The following PREP variants were observed in gnomAD, a reference collection of about 807,000 sequenced individuals.
PREP encodes prolyl endopeptidase, also known as dJ355L5.1 (prolyl endopeptidase).
In PREP, 29 loss-of-function variants were observed where a neutral mutation model predicts 87.6. The observed-to-expected ratio is 0.33, with a 90% CI of 0.25 to 0.45. The LOEUF is 0.45. Ranked by LOEUF, PREP falls within the 20% of genes least tolerant of loss-of-function variation. PREP has a pLI of 1.00. For synonymous variants in PREP, 337 were observed against 328.6 expected (o/e 1.03, Z -0.28); for missense variants, 695 against 886.5 (o/e 0.78, Z 2.74).
At chr6:105,340,232 A>G (rs1439184276) in intron 7 of PREP, among the ~76,000 whole-genome samples, 1 of 152,208 alleles carries the variant, frequency 6.6e-6, no homozygotes, top group Non-Finnish European at 1.5e-5. Context: ...AGTGGGGGCC[A>G]ATATTCAACA....
At chr6:105,355,320 A>C (rs1772068234) in intron 6 of PREP, among the ~76,000 whole-genome samples, 1 of 152,072 alleles carries the variant, frequency 6.6e-6, no homozygotes, top group African/African-American at 2.4e-5. Context: ...TTCTGACCTC[A>C]AGGTGATCCA....
chr6:105,402,194 CTTGT>C (rs1398929913), intron 1 of PREP, among the ~76,000 whole-genome samples: 2 of 152,154 alleles, frequency 1.3e-5, no homozygotes, highest in East Asian at 3.9e-4. Context: ...AACTCCTTTT[CTTGT>C]TTAAGAAAAC....
intron 10 of PREP, among the ~76,000 whole-genome samples, chr6:105,305,288 G>A (rs76627856): frequency 0.015 from 2,346 of 152,184 alleles, 58 homozygotes; most frequent in African/African-American, 0.054. Flanking sequence ...GATGTTAGTG[G>A]GGAAAAAGCA....
chr6:105,384,214 C>T (rs115768413), intron 2 of PREP, among the ~76,000 whole-genome samples: 15 of 152,256 alleles, frequency 9.9e-5, no homozygotes, highest in African/African-American at 3.6e-4. Flanking sequence ...TGCGGCTCAT[C>T]TCAGGGCTTG....
At chr6:105,349,376 A>G (rs556232029) in intron 7 of PREP, among the ~76,000 whole-genome samples, 2 of 152,322 alleles carry the variant, frequency 1.3e-5, no homozygotes, top group Admixed American at 1.3e-4. Context: ...ATTCATACAG[A>G]TCGCATTTAA....
rs757968201 is a variant in PREP at position 105,368,982 on chromosome 6, T to C, written c.638A>G (p.His213Arg). The change falls in exon 6 of 15, where the codon CAT becomes CGT. Residue 213 changes from histidine (H) to arginine (R), a missense_variant. By Grantham distance (29) the His-to-Arg change is conservative. This residue lies in a region of PREP where 517 missense variants were observed against 620.3 expected (regional missense o/e 0.83). Transcript: ENST00000652536. ...STNLHQKLYYHVLGTDQSEDI... is the reference protein window; with the variant it reads ...STNLHQKLYYRVLGTDQSEDI... ...TTCTGACTGATCGGTTCCCAAGACATGGTAGTAGAGCTTTTGGTGGAGATT... is the reference window on the plus strand; with the variant it reads ...TTCTGACTGATCGGTTCCCAAGACACGGTAGTAGAGCTTTTGGTGGAGATT... 6.2e-7 allele frequency: 1 copy of C among 1,613,956 alleles called. No homozygotes were observed. Among genetic ancestry groups the C allele is most frequent in the Non-Finnish European group, 8.5e-7 (1 of 1,179,900 alleles).
At chr6:105,340,005 A>G (rs1262417750) in intron 7 of PREP, among the ~76,000 whole-genome samples, 1 of 152,234 alleles carries the variant, frequency 6.6e-6, no homozygotes, top group Admixed American at 6.5e-5. Context: ...CAGCCTAGCA[A>G]GGCAGGCCAA....
intron 12 of PREP, among the ~76,000 whole-genome samples, chr6:105,284,882 G>A (rs1770158003): frequency 6.6e-6 from 1 of 152,356 alleles, no homozygotes; most frequent in East Asian, 1.9e-4. Flanking sequence ...TGCTTCAGGA[G>A]GCCACAGAAT....
rs112087054 is a variant in PREP, at chr6:105,373,307, C to T, written c.595+62G>A. ...CTATGTAGGGTTCAGCATCTCTTTT[C>T]AGTCACTTGAAGTCACACTTCATTT... On this transcript the variant is annotated intron_variant, in intron 5 of 14. Coordinates refer to ENST00000652536, the MANE Select transcript of PREP (RefSeq NM_002726.5). 2,372 of 1,522,968 alleles carry T rather than the reference C, an allele frequency of 1.6e-3. 33 individuals carry two copies. The African/African-American group carries it at 0.027, about 17-fold the overall frequency. 94.3% of individuals were successfully genotyped at this position (1,522,968 alleles called of 1,614,324 possible). A position where few individuals can be genotyped will look rare whatever the true frequency, so the allele number is the denominator to read the frequency against.
intron 4 of PREP, among the ~76,000 whole-genome samples, chr6:105,374,094 A>C (rs1334549260): frequency 6.6e-6 from 1 of 152,218 alleles, no homozygotes; most frequent in Non-Finnish European, 1.5e-5. Context: ...TTACCTGTGC[A>C]ATGTCCACAC....
chr6:105,318,818 C>T (rs1045129706), intron 10 of PREP, among the ~76,000 whole-genome samples: 15 of 152,148 alleles, frequency 9.9e-5, no homozygotes, highest in South Asian at 2.1e-4. Context: ...CACACGAACA[C>T]GCTGCTATGG....
Position 105,373,466 on chromosome 6 carries a change from A to G in PREP, c.498T>C (p.Asp166=). 1.2e-6 allele frequency: 2 copies of G among 1,614,232 alleles called. No individual in the cohort carries two copies. The highest frequency in any genetic ancestry group is 1.7e-6 in the Non-Finnish European group (2 of 1,180,036). The change falls in exon 5 of 15, where the codon GAT becomes GAC. Residue 166 remains aspartate, a synonymous_variant. Coordinates refer to ENST00000652536, the MANE Select transcript of PREP (RefSeq NM_002726.5). ...MKVDGAKELP[D]VLERVKFSCM... ...AGCTGAACTTGACTCTTTCAAGCAC[A>G]TCTGGAAGCTCTTTGGCACCATCAA...
rs1371515070 is a variant in PREP, at chr6:105,328,937, C to A, written c.1105G>T (p.Gly369Cys). The A allele has an allele frequency of 1.9e-6, 3 of 1,613,956 alleles. No homozygotes were observed. The part of the protein sequence containing the change: ...NILQLHDLTT[G>C]ALLKTFPLDV... ...AGCGGGAAGGTCTTAAGGAGAGCAC[C>A]AGTAGTCAGGTCATGGAGCTGCAGA... Residue 369 changes from glycine to cysteine, a missense_variant, in exon 9 of 15, where the codon GGT (glycine) becomes TGT (cysteine). By Grantham distance (159) the Gly-to-Cys change is radical. Transcript: ENST00000652536.
At chr6:105,322,267 T>TA (rs1298570188) in intron 10 of PREP, 5 of 917,680 alleles carry the variant, frequency 5.4e-6, no homozygotes, top group Non-Finnish European at 6.5e-6. Context: ...AATAGGAAAC[T>TA]AAAAGTCTGT....
rs78110180 is a variant in PREP at position 105,384,411 on chromosome 6, A to C, written c.121-6892T>G. ...GGAACGGTGACAGTTATACCTTCAG[A>C]AAGTTTGAGGTTTACCCTCTTTCTC... is the stretch of plus-strand genomic sequence containing the variant. On this transcript the variant is annotated intron_variant, in intron 2 of 14. Coordinates refer to ENST00000652536, the MANE Select transcript of PREP (RefSeq NM_002726.5). 8.3e-3 allele frequency among the ~76,000 whole-genome samples: 1,266 copies of C among 152,260 alleles called. 12 individuals are homozygous for C. The highest frequency in any genetic ancestry group is 0.03 in the African/African-American group (1,238 of 41,544).
At chr6:105,342,558 A>C (rs1473082320) in intron 7 of PREP, among the ~76,000 whole-genome samples, 1 of 152,196 alleles carries the variant, frequency 6.6e-6, no homozygotes, top group Non-Finnish European at 1.5e-5. Flanking sequence ...GAAAGAAATA[A>C]AAGGTATTCA....
chr6:105,355,084 G>A (rs544183782), intron 6 of PREP, among the ~76,000 whole-genome samples: 183 of 146,510 alleles, frequency 1.2e-3, no homozygotes, highest in Middle Eastern at 7.0e-3. Flanking sequence ...TATGGTGGTC[G>A]GGTTGTAGTT....
chr6:105,306,087 C>T (rs868628865), intron 10 of PREP, among the ~76,000 whole-genome samples: 1 of 152,174 alleles, frequency 6.6e-6, no homozygotes. Context: ...AAGTGATCCT[C>T]CTGCCTCGGC....
At chr6:105,329,870 C>T (rs1433533477) in intron 8 of PREP, among the ~76,000 whole-genome samples, 5 of 152,136 alleles carry the variant, frequency 3.3e-5, no homozygotes, top group Non-Finnish European at 2.9e-5. Context: ...AGCCCTAAAG[C>T]AAGGGCTGAA....
Sources: allele counts gnomAD v4.1 joint callset (sites outside exome capture counted in the v4.1 genomes callset), GRCh38; gene constraint gnomAD v4.1.1; regional missense constraint gnomAD v4.1.1; transcripts MANE v1.5; gene names NCBI Gene and HGNC (gene_info 2026-07-23, HGNC 2026-07-21).